TLN2: variants seen among roughly 807,000 people sequenced by gnomAD.
TLN2 encodes talin 2.
A neutral mutation model predicts 294.7 loss-of-function variants in TLN2; 118 were observed. The ratio of observed to expected loss-of-function variants is 0.40; its 90% CI spans 0.34 to 0.47. TLN2 has a LOEUF of 0.47. Among genes scored for constraint, TLN2 ranks in the 20% least tolerant of loss-of-function variants. The probability of loss-of-function intolerance (pLI) is 0.84; values close to 1 mark genes in which losing one functional copy is unlikely to be tolerated. For synonymous variants in TLN2, 1,431 were observed against 1,304.5 expected, an observed-to-expected ratio of 1.10 and a Z score of -2.09; for missense variants, 3,083 against 3,282.2, an observed-to-expected ratio of 0.94 and a Z score of 1.48.
intron 1 of TLN2, among the ~76,000 whole-genome samples, chr15:62,416,545 C>T (rs575686805): frequency 3.3e-5 from 5 of 152,224 alleles, no homozygotes; most frequent in South Asian, 2.1e-4. Context: ...CTAAATTTGC[C>T]GTATCTTTGA....
At chr15:62,758,251 C>G (rs1260206251) in intron 37 of TLN2, among the ~76,000 whole-genome samples, 1 of 152,122 alleles carries the variant, frequency 6.6e-6, no homozygotes, top group Non-Finnish European at 1.5e-5. Flanking sequence ...ACTGATGGCA[C>G]TCTTTAAAAT....
chr15:62,577,492 AACT>A (rs1253978504), intron 1 of TLN2, among the ~76,000 whole-genome samples: 2 of 152,126 alleles, frequency 1.3e-5, no homozygotes, highest in Non-Finnish European at 1.5e-5. Flanking sequence ...CAAACAAAAG[AACT>A]ACTTCATAAA....
intron 1 of TLN2, among the ~76,000 whole-genome samples, chr15:62,588,665 CATATATAT>C (rs3055752): frequency 0.1 from 7,392 of 71,310 alleles, 347 homozygotes; most frequent in Non-Finnish European, 0.13. Flanking sequence ...ACATTTTTTT[CATATATAT>C]ATATATATAT....
chr15:62,835,742 C>CT lies in TLN2; in HGVS notation c.7135dup (p.Ser2379PhefsTer32). The CT allele has an allele frequency of 6.2e-7, 1 of 1,614,200 alleles. No homozygotes were observed. Among genetic ancestry groups the CT allele is most frequent in the Non-Finnish European group, 8.5e-7 (1 of 1,180,040 alleles). On this transcript the variant is annotated frameshift_variant, in exon 56 of 59. Coordinates refer to ENST00000636159, the MANE Select transcript of TLN2 (RefSeq NM_015059.3). LOFTEE classifies it high-confidence loss of function. ...TTCTCGACTCTACTCTCTAGGTGGG[C>CT]TCCATCCCTGCCAATGCTGCAGACG...
At chr15:62,653,410 ATTTTTG>A (rs965437693) in intron 7 of TLN2, 96 bp downstream of exon 7, 26 of 1,389,620 alleles carry the variant, frequency 1.9e-5, no homozygotes, top group Non-Finnish European at 2.1e-5. Context: ...AGGACTTTTG[ATTTTTG>A]TTTTTAAAAC....
chr15:62,572,751 T>C (rs1195623758), intron 1 of TLN2, among the ~76,000 whole-genome samples: 1 of 148,044 alleles, frequency 6.8e-6, no homozygotes, highest in Non-Finnish European at 1.5e-5. Context: ...CCTGCAGGCC[T>C]CTCTGGAGAG....
At chr15:62,736,786 T>C (rs1236299033) in intron 28 of TLN2, 92 bp from the exon 29 acceptor site, 2 of 1,371,258 alleles carry the variant, frequency 1.5e-6, no homozygotes, top group Non-Finnish European at 2.0e-6. Context: ...GCTCCCCTTC[T>C]GTGCCAGGCC....
intron 3 of TLN2, among the ~76,000 whole-genome samples, chr15:62,628,497 A>T (rs1166051715): frequency 6.6e-6 from 1 of 152,276 alleles, no homozygotes; most frequent in East Asian, 1.9e-4. Flanking sequence ...AACATGTATG[A>T]ATTACAGTAG....
intron 1 of TLN2, among the ~76,000 whole-genome samples, chr15:62,558,198 A>C (rs551318235): frequency 3.3e-5 from 5 of 152,218 alleles, no homozygotes; most frequent in African/African-American, 1.2e-4. Context: ...TTGTATCTCA[A>C]CTCAATTTTG....
At position 62,548,302 on chromosome 15, in the gene TLN2, A is replaced by G. The variant is rs148013978; in HGVS notation, c.-237-41385A>G. Among the ~76,000 whole-genome samples, 323 of 152,272 alleles carry G rather than the reference A, an allele frequency of 2.1e-3. 4 individuals are homozygous for G. Among genetic ancestry groups the G allele is most frequent in the African/African-American group, 7.5e-3 (310 of 41,556 alleles). ...TGGAGTATGTTGGGGACAGTTATAG[A>G]GTCTTACAAAGTGGGTTTATGTATG... On this transcript the variant is annotated intron_variant, in intron 1 of 58. Transcript: ENST00000636159.
intron 7 of TLN2, among the ~76,000 whole-genome samples, chr15:62,654,696 A>C (rs1365511308): frequency 1.5e-5 from 2 of 136,710 alleles, no homozygotes; most frequent in Non-Finnish European, 3.1e-5. Context: ...TGGAGGTTGC[A>C]GTGAACTGAG....
chr15:62,408,991 T>TG (rs991585167), intron 1 of TLN2, among the ~76,000 whole-genome samples: 1 of 151,472 alleles, frequency 6.6e-6, no homozygotes, highest in Non-Finnish European at 1.5e-5. Context: ...ATTTATTTTT[T>TG]GGGGGGTACA....
intron 26 of TLN2, among the ~76,000 whole-genome samples, 183 bp from the exon 27 acceptor site, chr15:62,724,793 A>C (rs1309620913): frequency 1.3e-5 from 2 of 152,214 alleles, no homozygotes; most frequent in African/African-American, 2.4e-5. Context: ...AAGGAAGTTA[A>C]GAGTAAGGTT....
chr15:62,473,366 T>C (rs1027838778), intron 1 of TLN2, among the ~76,000 whole-genome samples: 1 of 151,820 alleles, frequency 6.6e-6, no homozygotes, highest in Non-Finnish European at 1.5e-5. Flanking sequence ...TTTTAAGTGC[T>C]CGATTTCCAT....
chr15:62,738,357 A>G (rs748080932), intron 30 of TLN2, 24 bp downstream of exon 30: 7 of 1,612,996 alleles, frequency 4.3e-6, no homozygotes, highest in South Asian at 1.1e-5. Context: ...AGATTGAGAA[A>G]GGACACTGGG....
chr15:62,538,220 C>T (rs1307911559), intron 1 of TLN2, among the ~76,000 whole-genome samples: 1 of 150,106 alleles, frequency 6.7e-6, no homozygotes, highest in African/African-American at 2.5e-5. Context: ...GAGACTTTGT[C>T]ATACACACAC....
intron 1 of TLN2, among the ~76,000 whole-genome samples, chr15:62,549,424 C>T (rs558764816): frequency 1.3e-5 from 2 of 152,204 alleles, no homozygotes; most frequent in Admixed American, 6.5e-5. Flanking sequence ...TGTGAGCCAC[C>T]GCCCCTGGCC....
Position 62,797,414 on chromosome 15 carries a change from G to A in TLN2, c.6234+12G>A, listed in dbSNP as rs778601720. 1 of 1,582,514 alleles carries A rather than the reference G, an allele frequency of 6.3e-7. No homozygotes were observed. Among genetic ancestry groups the A allele is most frequent in the Middle Eastern group, 2.1e-4 (1 of 4,788 alleles). On this transcript the variant is annotated intron_variant, in intron 48 of 58. Transcript: ENST00000636159. ...ACCCCGAGACCCAGGTACCAGCAGGGCCTGGGGAGTGCGTCCTCCCGGTCT... is the reference window on the plus strand; with the variant it reads ...ACCCCGAGACCCAGGTACCAGCAGGACCTGGGGAGTGCGTCCTCCCGGTCT...
intron 9 of TLN2, among the ~76,000 whole-genome samples, chr15:62,663,565 T>C (rs1040588205): frequency 6.6e-6 from 1 of 151,616 alleles, no homozygotes; most frequent in Admixed American, 6.6e-5. Flanking sequence ...TTAACAAGAC[T>C]TTTAAGTGTG....
Sources: gnomAD v4.1 joint callset for allele counts (sites outside exome capture counted in the v4.1 genomes callset) on GRCh38, gnomAD v4.1.1 for gene constraint, MANE v1.5 for transcripts, NCBI Gene and HGNC (gene_info 2026-07-23, HGNC 2026-07-21) for gene names.